The following SLC39A14 variants were observed in gnomAD, a reference collection of about 807,000 sequenced individuals.
The protein encoded by SLC39A14 is metal cation symporter ZIP14.
In SLC39A14, 19 loss-of-function variants were observed where a neutral mutation model predicts 45.5. The ratio of observed to expected loss-of-function variants is 0.42; its 90% CI spans 0.29 to 0.61. SLC39A14 has a LOEUF of 0.61. Among genes scored for constraint, SLC39A14 ranks in the 20% least tolerant of loss-of-function variants. The probability of loss-of-function intolerance (pLI) is 0.22; values close to 1 mark genes in which losing one functional copy is unlikely to be tolerated. For synonymous variants in SLC39A14, 264 were observed against 251.3 expected (o/e 1.05, Z -0.48); for missense variants, 447 against 616.5 (o/e 0.73, Z 2.91).
chr8:22,404,665 C>T (rs1360527428), intron 1 of SLC39A14, 31 bp from the exon 2 acceptor site: 2 of 1,587,972 alleles, frequency 1.3e-6, no homozygotes, highest in African/African-American at 1.3e-5. Flanking sequence ...CAGGGAGAGG[C>T]CTCAGCTTCA....
intron 1 of SLC39A14, among the ~76,000 whole-genome samples, chr8:22,377,547 G>C (rs756020863): frequency 3.3e-5 from 5 of 152,172 alleles, no homozygotes; most frequent in Non-Finnish European, 5.9e-5. Flanking sequence ...AAGAATATGA[G>C]TTTGTACTGA....
intron 1 of SLC39A14, among the ~76,000 whole-genome samples, chr8:22,391,910 C>T (rs1219813252): frequency 2.0e-5 from 3 of 152,104 alleles, no homozygotes; most frequent in Non-Finnish European, 4.4e-5. Context: ...CGATGCAGGC[C>T]GACTTCAGTT....
chr8:22,378,192 C>T (rs1233670421), intron 1 of SLC39A14, among the ~76,000 whole-genome samples: 1 of 152,206 alleles, frequency 6.6e-6, no homozygotes, highest in Non-Finnish European at 1.5e-5. Flanking sequence ...GGCCCTGCCA[C>T]CTGTGACCAG....
At chr8:22,385,393 T>A (rs1239061552) in intron 1 of SLC39A14, among the ~76,000 whole-genome samples, 2 of 152,080 alleles carry the variant, frequency 1.3e-5, no homozygotes, top group Non-Finnish European at 2.9e-5. Context: ...TAGGAGGAGA[T>A]GGATAATGAA....
intron 1 of SLC39A14, among the ~76,000 whole-genome samples, chr8:22,392,506 G>A (rs1002967730): frequency 1.3e-5 from 2 of 152,208 alleles, no homozygotes; most frequent in African/African-American, 4.8e-5. Flanking sequence ...AGTGATGGAT[G>A]TGAGTACCGC....
In SLC39A14 at chr8:22,387,509, G is replaced by A. The variant is rs117312159; in HGVS notation, c.-15-17187G>A. 2.9e-3 allele frequency among the ~76,000 whole-genome samples: 447 copies of A among 152,304 alleles called. 7 individuals carry two copies. Among genetic ancestry groups the A allele is most frequent in the Admixed American group, 0.02 (307 of 15,296 alleles). On this transcript the variant is annotated intron_variant, in intron 1 of 8. Transcript: ENST00000381237. ...GGCAGTTTGCAGGACGTGGAGGAGTGAAAGGGCAAGTGGAAATACATAAGT... is the reference window on the plus strand; with the variant it reads ...GGCAGTTTGCAGGACGTGGAGGAGTAAAAGGGCAAGTGGAAATACATAAGT...
chr8:22,425,106 G>T (rs1436857087), downstream of SLC39A14, among the ~76,000 whole-genome samples: 1 of 151,502 alleles, frequency 6.6e-6, no homozygotes, highest in East Asian at 1.9e-4. Context: ...ACTTTCCATG[G>T]TGAGCAGTTC....
chr8:22,398,189 GTCTT>G (rs993679417), intron 1 of SLC39A14: 4 of 152,172 alleles, frequency 2.6e-5, no homozygotes, highest in African/African-American at 9.7e-5. Context: ...CAACCCTGTG[GTCTT>G]TCTTTGTGTA....
intron 1 of SLC39A14, among the ~76,000 whole-genome samples, chr8:22,371,245 C>T (rs941706674): frequency 6.6e-6 from 1 of 152,004 alleles, no homozygotes; most frequent in Non-Finnish European, 1.5e-5. Flanking sequence ...CCTAACCTCC[C>T]TCCAAGGGCA....
At chr8:22,388,804 C>T (rs77442380) in intron 1 of SLC39A14, among the ~76,000 whole-genome samples, 10,221 of 152,144 alleles carry the variant, frequency 0.067, 449 homozygotes, top group Non-Finnish European at 0.099. Context: ...TTGGACAGCC[C>T]GAGGGAGAAT....
intron 4 of SLC39A14, among the ~76,000 whole-genome samples, chr8:22,413,077 TA>T (rs1455309274): frequency 6.6e-6 from 1 of 152,236 alleles, no homozygotes; most frequent in Non-Finnish European, 1.5e-5. Context: ...CTTTGCCTAA[TA>T]AGTTCATGAG....
At chr8:22,415,987 C>T (rs778466550) in intron 6 of SLC39A14, 30 bp downstream of exon 6, 2 of 1,601,048 alleles carry the variant, frequency 1.2e-6, no homozygotes, top group Non-Finnish European at 1.7e-6. Context: ...CTTGGTGGAG[C>T]CTCTAAGAGG....
chr8:22,379,394 T>A (rs998611720), intron 1 of SLC39A14: 2 of 152,228 alleles, frequency 1.3e-5, no homozygotes, highest in African/African-American at 4.8e-5. Context: ...TTCACGGAGC[T>A]GCCAAAGAAA....
At chr8:22,374,740 CTTT>C (rs67116858) in intron 1 of SLC39A14, among the ~76,000 whole-genome samples, 3,568 of 103,840 alleles carry the variant, frequency 0.034, 129 homozygotes, top group African/African-American at 0.12. Context: ...CCAGCCTGCT[CTTT>C]TTTTTTTTTT....
In SLC39A14 at chr8:22,404,648, C is replaced by A. The variant is rs528359407; in HGVS notation, c.-15-48C>A. On this transcript the variant is annotated intron_variant, in intron 1 of 8. Coordinates refer to ENST00000381237, the MANE Select transcript of SLC39A14 (RefSeq NM_001128431.4). Reference sequence around the variant, plus strand: ...TGGCGGGCGGGCCTGGCGCAGTTGCCGGCACACAGGGAGAGGCCTCAGCTT... The same window carrying A: ...TGGCGGGCGGGCCTGGCGCAGTTGCAGGCACACAGGGAGAGGCCTCAGCTT... 5.1e-6 allele frequency: 8 copies of A among 1,566,258 alleles called. No homozygotes were observed. The Admixed American group carries it at 1.4e-4, about 27-fold the overall frequency.
At chr8:22,386,807 G>A (rs1833819419) in intron 1 of SLC39A14, among the ~76,000 whole-genome samples, 1 of 152,184 alleles carries the variant, frequency 6.6e-6, no homozygotes, top group Admixed American at 6.5e-5. Context: ...AGTTTACAAT[G>A]CAGTGTCTTC....
intron 1 of SLC39A14, among the ~76,000 whole-genome samples, chr8:22,394,060 A>G (rs986638291): frequency 6.9e-6 from 1 of 145,358 alleles, no homozygotes; most frequent in African/African-American, 2.6e-5. Context: ...AGGCTGAAGT[A>G]TAGTGGCGTG....
intron 1 of SLC39A14, among the ~76,000 whole-genome samples, chr8:22,387,997 G>T (rs1833876910): frequency 2.0e-5 from 3 of 152,198 alleles, no homozygotes; most frequent in Admixed American, 1.3e-4. Flanking sequence ...AGGCAGGGGT[G>T]AGGATGTGTC....
In SLC39A14 at chr8:22,414,813, G is replaced by A. The variant is rs142534611; in HGVS notation, c.661G>A (p.Val221Ile). 2.4e-5 allele frequency: 39 copies of A among 1,611,712 alleles called. No homozygotes were observed. The African/African-American group carries it at 3.6e-4, about 15-fold the overall frequency. The change falls in exon 5 of 9, where the codon GTC becomes ATC. Residue 221 changes from valine to isoleucine, a missense_variant. Physicochemically the swap from Val to Ile is conservative, Grantham distance 29. Around this residue, in one of 2 missense-constraint regions of SLC39A14, gnomAD observed 342 missense variants for 428.1 expected, o/e 0.80. Coordinates refer to ENST00000381237, the MANE Select transcript of SLC39A14 (RefSeq NM_001128431.4). ...FGFNPLEDYY[V>I]SKSAVVFGGF... ...TTTCAACCCTCTGGAAGATTATTAT[G>A]TCTCCAAGTCTGCAGTGGTGTTTGG... is the stretch of plus-strand genomic sequence containing the variant.
Sources: gnomAD v4.1 joint callset for allele counts (sites outside exome capture counted in the v4.1 genomes callset) on GRCh38, gnomAD v4.1.1 for gene constraint, gnomAD v4.1.1 regional missense constraint, MANE v1.5 for transcripts, NCBI Gene and HGNC (gene_info 2026-07-23, HGNC 2026-07-21) for gene names.